The following REDIC1 variants were observed in gnomAD, a reference collection of about 807,000 sequenced individuals.
REDIC1 encodes HEI10 Interacting Protein 1.
the REDIC1 span, among the ~76,000 whole-genome samples, chr12:39,868,902 T>G: frequency 6.6e-6 from 1 of 152,208 alleles, no homozygotes; most frequent in African/African-American, 2.4e-5. Flanking sequence ...CTTACATATT[T>G]TTTATTTGTA....
chr12:39,704,217 A>T, the REDIC1 span, among the ~76,000 whole-genome samples: 1 of 152,146 alleles, frequency 6.6e-6, no homozygotes, highest in Admixed American at 6.5e-5. Context: ...GAACTCCAAC[A>T]AATTTACAAG....
chr12:39,878,972 G>C, the REDIC1 span, among the ~76,000 whole-genome samples: 934 of 152,352 alleles, frequency 6.1e-3, 2 homozygotes, highest in Non-Finnish European at 9.1e-3. Context: ...GCAGCCTTGA[G>C]ACACTGCTCC....
At chr12:39,705,964 A>G in the REDIC1 span, among the ~76,000 whole-genome samples, 1 of 151,980 alleles carries the variant, frequency 6.6e-6, no homozygotes, top group African/African-American at 2.4e-5. Context: ...TGGAAGTTCT[A>G]TCTAGAGCAT....
At chr12:39,710,286 A>G in the REDIC1 span, among the ~76,000 whole-genome samples, 3 of 151,866 alleles carry the variant, frequency 2.0e-5, no homozygotes, top group Admixed American at 1.3e-4. Flanking sequence ...TCTTTATCAG[A>G]TTTTCATATT....
At chr12:39,868,114 C>T in the REDIC1 span, among the ~76,000 whole-genome samples, 10 of 152,082 alleles carry the variant, frequency 6.6e-5, no homozygotes, top group Admixed American at 3.3e-4. Flanking sequence ...TGGTTATTGT[C>T]AAGTTATTCA....
At chr12:39,632,422 G>A in the REDIC1 span, among the ~76,000 whole-genome samples, 2 of 151,918 alleles carry the variant, frequency 1.3e-5, no homozygotes, top group Non-Finnish European at 2.9e-5. Flanking sequence ...TTTTGAAAAT[G>A]GTTTTTGTAT....
chr12:39,628,270 T>C, the REDIC1 span, among the ~76,000 whole-genome samples: 1 of 152,140 alleles, frequency 6.6e-6, no homozygotes, highest in African/African-American at 2.4e-5. Context: ...ATAGGCTTCT[T>C]AGGGTAAAGC....
the REDIC1 span, among the ~76,000 whole-genome samples, chr12:39,654,325 C>T: frequency 6.6e-6 from 1 of 151,770 alleles, no homozygotes; most frequent in African/African-American, 2.4e-5. Context: ...TGGTGGCTCA[C>T]GCCTGTAATC....
chr12:39,897,619 C>A, the REDIC1 span, among the ~76,000 whole-genome samples: 2 of 152,230 alleles, frequency 1.3e-5, no homozygotes, highest in African/African-American at 2.4e-5. Context: ...CTCTTGAGCA[C>A]TAGAAATATG....
the REDIC1 span, among the ~76,000 whole-genome samples, chr12:39,866,406 C>T: frequency 2.0e-5 from 3 of 152,056 alleles, no homozygotes; most frequent in Non-Finnish European, 4.4e-5. Flanking sequence ...TCAATGTTGT[C>T]TTTTGTAAAA....
chr12:39,630,370 A>C, the REDIC1 span, among the ~76,000 whole-genome samples: 1 of 152,142 alleles, frequency 6.6e-6, no homozygotes, highest in East Asian at 1.9e-4. Flanking sequence ...AGATTGGGGA[A>C]TCAATCAATG....
the REDIC1 span, chr12:39,764,624 AACATT>A: frequency 6.3e-7 from 1 of 1,581,544 alleles, no homozygotes; most frequent in Non-Finnish European, 8.6e-7. Flanking sequence ...TGAGAAATAA[AACATT>A]AAAAACTTTA....
At chr12:39,827,978 A>T in the REDIC1 span, among the ~76,000 whole-genome samples, 3 of 152,142 alleles carry the variant, frequency 2.0e-5, no homozygotes, top group African/African-American at 7.2e-5. Context: ...ATATCTCTAG[A>T]TGGGAATCCA....
chr12:39,826,002 CT>C, the REDIC1 span, among the ~76,000 whole-genome samples: 1 of 151,920 alleles, frequency 6.6e-6, no homozygotes, highest in African/African-American at 2.4e-5. Context: ...AAATATCTTT[CT>C]GTTGTTTTGT....
the REDIC1 span, among the ~76,000 whole-genome samples, chr12:39,881,560 A>T: frequency 6.6e-6 from 1 of 152,122 alleles, no homozygotes; most frequent in African/African-American, 2.4e-5. Flanking sequence ...CAGATCACCT[A>T]TTTATACCTG....
At chr12:39,869,472 A>C in the REDIC1 span, among the ~76,000 whole-genome samples, 1 of 152,202 alleles carries the variant, frequency 6.6e-6, no homozygotes, top group African/African-American at 2.4e-5. Context: ...AATTGGCCAC[A>C]TAATAAGGAA....
the REDIC1 span, chr12:39,864,698 G>A: frequency 1.3e-6 from 2 of 1,588,732 alleles, no homozygotes; most frequent in Non-Finnish European, 8.6e-7. Context: ...CTTTAAAAAA[G>A]TTAAAAGCAA....
chr12:39,696,560 A>AAG, the REDIC1 span, among the ~76,000 whole-genome samples: 6 of 140,788 alleles, frequency 4.3e-5, no homozygotes, highest in Middle Eastern at 3.6e-3. Context: ...AAAAAAAAAA[A>AAG]AAAAAAAAAA....
At chr12:39,823,545 T>C in the REDIC1 span, among the ~76,000 whole-genome samples, 1 of 152,234 alleles carries the variant, frequency 6.6e-6, no homozygotes. Flanking sequence ...ACTGCTTCCC[T>C]GGCATATCAG....
Sources: allele counts gnomAD v4.1 joint callset (sites outside exome capture counted in the v4.1 genomes callset), GRCh38; gene constraint gnomAD v4.1.1; transcripts MANE v1.5; gene names NCBI Gene and HGNC (gene_info 2026-07-23, HGNC 2026-07-21).